Variants in SGK3 observed in about 807,000 individuals in gnomAD.
SGK3 encodes serum/glucocorticoid regulated kinase family member 3, also known as serine/threonine-protein kinase Sgk3.
In SGK3, 47 loss-of-function variants were observed where a neutral mutation model predicts 68.5. The observed-to-expected ratio is 0.69, with a 90% CI of 0.54 to 0.87. The LOEUF (loss-of-function observed/expected upper bound fraction) is 0.87. Ranked by LOEUF, SGK3 falls within the 40% of genes least tolerant of loss-of-function variation. The probability of loss-of-function intolerance (pLI) is 0.00; values close to 1 mark genes in which losing one functional copy is unlikely to be tolerated. For missense variants in SGK3, 479 were observed against 575.5 expected (o/e 0.83, Z 1.72); for synonymous variants, 181 against 189.1 (o/e 0.96, Z 0.35).
chr8:66,839,498 G>GATATATATAGATAT (rs1809680695), intron 10 of SGK3, among the ~76,000 whole-genome samples: 1 of 41,582 alleles, frequency 2.4e-5, no homozygotes, highest in African/African-American at 1.1e-4. Flanking sequence ...TATGTATGGA[G>GATATATATAGATAT]ATATATATAT....
chr8:66,718,094 C>T (rs553763635), intron 1 of SGK3, among the ~76,000 whole-genome samples: 2 of 151,778 alleles, frequency 1.3e-5, no homozygotes, highest in South Asian at 2.1e-4. Flanking sequence ...GGCATGATCT[C>T]GGCTCACTAC....
chr8:66,744,532 T>G (rs1453457962), intron 1 of SGK3, among the ~76,000 whole-genome samples: 4 of 119,616 alleles, frequency 3.3e-5, no homozygotes, highest in African/African-American at 9.4e-5. Flanking sequence ...TTTTTTTTTT[T>G]TTTTTTTTTT....
At chr8:66,744,531 T>A (rs76714628) in intron 1 of SGK3, among the ~76,000 whole-genome samples, 1 of 107,700 alleles carries the variant, frequency 9.3e-6, no homozygotes, top group African/African-American at 3.8e-5. Context: ...TTTTTTTTTT[T>A]TTTTTTTTTT....
intron 6 of SGK3, 87 bp from the exon 7 acceptor site, chr8:66,828,567 G>A: frequency 2.3e-5 from 37 of 1,577,544 alleles, no homozygotes; most frequent in Non-Finnish European, 3.1e-5. Context: ...AATATTTGTG[G>A]TACAGTTATA....
Position 66,730,980 on chromosome 8 carries a change from C to G in SGK3, c.-122+18147C>G, listed in dbSNP as rs534762126. ...GGGGTTACAGGCGTGAGCCACCACA[C>G]CTGGCCAAAAGTATTTTTTAATTTT... On this transcript the variant is annotated intron_variant, in intron 1 of 16. Transcript: ENST00000521198. Among the ~76,000 whole-genome samples, 4 of 152,268 alleles carry G rather than the reference C, an allele frequency of 2.6e-5. No homozygotes were observed. In the South Asian group the frequency reaches 8.3e-4, roughly 31 times the overall value.
intron 1 of SGK3, among the ~76,000 whole-genome samples, chr8:66,762,064 C>T (rs1294841684): frequency 6.6e-6 from 1 of 152,154 alleles, no homozygotes; most frequent in Admixed American, 6.5e-5. Flanking sequence ...TCGCTCTTGT[C>T]CCCCAGTGCA....
At chr8:66,757,129 A>AT (rs796848968) in intron 1 of SGK3, among the ~76,000 whole-genome samples, 9,960 of 107,024 alleles carry the variant, frequency 0.093, 596 homozygotes, top group East Asian at 0.26. Context: ...CTCAGGCCCT[A>AT]TTTTTTTTTT....
chr8:66,808,859 T>A (rs1349561501), intron 4 of SGK3, among the ~76,000 whole-genome samples: 1 of 150,594 alleles, frequency 6.6e-6, no homozygotes, highest in African/African-American at 2.4e-5. Context: ...TTGAAATAAT[T>A]ATTTATTTAT....
At chr8:66,747,570 T>G (rs1585662352) in intron 1 of SGK3, among the ~76,000 whole-genome samples, 1 of 152,128 alleles carries the variant, frequency 6.6e-6, no homozygotes, top group Non-Finnish European at 1.5e-5. Context: ...TTGCCATTTT[T>G]TTTTTGAGAC....
intron 1 of SGK3, among the ~76,000 whole-genome samples, chr8:66,766,907 A>G (rs986883376): frequency 2.0e-5 from 3 of 152,082 alleles, no homozygotes; most frequent in African/African-American, 7.2e-5. Flanking sequence ...GCTGGAGTGC[A>G]GTGGCGCGAT....
intron 8 of SGK3, 45 bp from the exon 9 acceptor site, chr8:66,835,718 A>C (rs757724804): frequency 6.4e-7 from 1 of 1,567,580 alleles, no homozygotes; most frequent in East Asian, 2.2e-5. Context: ...TTTCTATCAA[A>C]ATTTGAAATT....
Position 66,733,069 on chromosome 8 carries a change from C to A in SGK3, c.-122+20236C>A, listed in dbSNP as rs569532204. ...TACGAAGTGTGCATGGTACATATAG[C>A]CAGAAAAGCCGAATCATTTCGGTAT... is the stretch of plus-strand genomic sequence containing the variant. On this transcript the variant is annotated intron_variant, in intron 1 of 16. Coordinates refer to ENST00000521198, the MANE Select transcript of SGK3 (RefSeq NM_001033578.3). 8.7e-4 allele frequency among the ~76,000 whole-genome samples: 132 copies of A among 152,098 alleles called. 2 individuals carry two copies. The South Asian group carries it at 0.027, about 31-fold the overall frequency.
chr8:66,814,633 A>G (rs1168526053), intron 5 of SGK3, among the ~76,000 whole-genome samples: 1 of 152,170 alleles, frequency 6.6e-6, no homozygotes, highest in African/African-American at 2.4e-5. Context: ...CACTTGGGAC[A>G]GTGTTCTGTT....
At chr8:66,815,779 A>T (rs1007770122) in intron 5 of SGK3, among the ~76,000 whole-genome samples, 2 of 152,184 alleles carry the variant, frequency 1.3e-5, no homozygotes, top group Non-Finnish European at 2.9e-5. Context: ...CTGGATCTTG[A>T]TGTGCAGTAT....
At chr8:66,730,993 A>C (rs1805134780) in intron 1 of SGK3, among the ~76,000 whole-genome samples, 1 of 151,934 alleles carries the variant, frequency 6.6e-6, no homozygotes, top group Non-Finnish European at 1.5e-5. Context: ...GGCCAAAAGT[A>C]TTTTTTAATT....
chr8:66,779,056 T>G (rs571616993), intron 1 of SGK3, among the ~76,000 whole-genome samples: 4 of 152,304 alleles, frequency 2.6e-5, no homozygotes, highest in African/African-American at 9.6e-5. Context: ...TTCTTTCCTT[T>G]CATTGTTTAA....
At position 66,762,479 on chromosome 8, in the gene SGK3, T is replaced by G. The variant is rs369491648; in HGVS notation, c.-121-31137T>G. ...TTACAGTGAGCCAAGATCGCGCCAC[T>G]GCACTCCAGCCTGGCGATGGAGTGA... On this transcript the variant is annotated intron_variant, in intron 1 of 16. Coordinates refer to ENST00000521198, the MANE Select transcript of SGK3 (RefSeq NM_001033578.3). Among the ~76,000 whole-genome samples, 5 of 152,150 alleles carry G rather than the reference T, an allele frequency of 3.3e-5. No individual in the cohort carries two copies. The East Asian group carries it at 5.8e-4, about 18-fold the overall frequency.
At chr8:66,729,374 T>G (rs1357485460) in intron 1 of SGK3, among the ~76,000 whole-genome samples, 6 of 151,770 alleles carry the variant, frequency 4.0e-5, no homozygotes, top group African/African-American at 1.2e-4. Context: ...GAGAATGGCG[T>G]GAACCAGGGA....
Position 66,793,728 on chromosome 8 carries a change from A to T in SGK3, c.-9A>T. 6.2e-7 allele frequency: 1 copy of T among 1,611,686 alleles called. No individual in the cohort carries two copies. The highest frequency in any genetic ancestry group is 8.5e-7 in the Non-Finnish European group (1 of 1,178,712). On this transcript the variant is annotated 5_prime_UTR_variant, in exon 2 of 17. An upstream open reading frame in the 5' UTR loses its in-frame stop. Transcript: ENST00000521198. The stretch of plus-strand genomic sequence containing the variant: ...GGATGCATTTTTTGGTGTGCTCTTG[A>T]GGGATTAAATGCAAAGAGATCACAC...
Sources: gnomAD v4.1 joint callset for allele counts (sites outside exome capture counted in the v4.1 genomes callset) on GRCh38, gnomAD v4.1.1 for gene constraint, MANE v1.5 for transcripts, NCBI Gene and HGNC (gene_info 2026-07-23, HGNC 2026-07-21) for gene names.